The following ADAMTS3 variants were observed in gnomAD, a reference collection of about 807,000 sequenced individuals.
The protein encoded by ADAMTS3 is A disintegrin and metalloproteinase with thrombospondin motifs 3.
A neutral mutation model predicts 129.0 loss-of-function variants in ADAMTS3; 73 were observed. That is an observed-to-expected ratio of 0.57 (90% confidence interval 0.47 to 0.69). The LOEUF (loss-of-function observed/expected upper bound fraction) is 0.69, where lower values mean the gene tolerates loss of function less well. Among genes scored for constraint, ADAMTS3 ranks in the 30% least tolerant of loss-of-function variants. The pLI, the probability that ADAMTS3 is intolerant of heterozygous loss-of-function variation, is 0.00. For synonymous variants in ADAMTS3, 477 were observed against 510.8 expected (o/e 0.93, Z 0.89); for missense variants, 1,457 against 1,514.5 (o/e 0.96, Z 0.63).
chr4:72,312,343 G>A lies in ADAMTS3; in HGVS notation c.1869C>T (p.His623=), dbSNP rs1719263216. 6.2e-7 allele frequency: 1 copy of A among 1,613,868 alleles called. No homozygotes were observed. Reference sequence around the variant, plus strand: ...GGTGTTTGGTATTCTGGTATTCAAAGTGGGAGTTTCGCTGCTGACACTGCT... The same window carrying A: ...GGTGTTTGGTATTCTGGTATTCAAAATGGGAGTTTCGCTGCTGACACTGCT... ...RAQQCQQRNS[H]FEYQNTKHHW... is the part of the protein sequence containing the mutation. The change falls in exon 13 of 22, where the codon CAC becomes CAT. Residue 623 remains histidine, a synonymous_variant. Coordinates refer to ENST00000286657, the MANE Select transcript of ADAMTS3 (RefSeq NM_014243.3).
At chr4:72,547,211 C>T (rs1322694067) in intron 3 of ADAMTS3, among the ~76,000 whole-genome samples, 1 of 152,132 alleles carries the variant, frequency 6.6e-6, no homozygotes, top group East Asian at 1.9e-4. Flanking sequence ...ATAATTAGGG[C>T]AGACTAGAGC....
At position 72,548,499 on chromosome 4, in the gene ADAMTS3, G is replaced by A. The variant is rs371019847; in HGVS notation, c.483C>T (p.Ala161=). The A allele has an allele frequency of 1.3e-4, 206 of 1,613,644 alleles. No individual in the cohort carries two copies. Among genetic ancestry groups the A allele is most frequent in the East Asian group, 1.8e-4 (8 of 44,878 alleles). ...TTACCAGACCATCACAGTTGCTGAT[G>A]GCAACAGAGGTTCCTGGAATGTCCA... ...DIVDIPGTSV[A]ISNCDGLAGM... Residue 161 remains alanine, a synonymous_variant, in exon 3 of 22, where the codon GCC becomes GCT. Coordinates refer to ENST00000286657, the MANE Select transcript of ADAMTS3 (RefSeq NM_014243.3).
At chr4:72,345,327 G>A (rs1034029735) in intron 4 of ADAMTS3, among the ~76,000 whole-genome samples, 5 of 152,086 alleles carry the variant, frequency 3.3e-5, no homozygotes, top group African/African-American at 1.2e-4. Context: ...TCCAACAAAT[G>A]TCATCTATTA....
chr4:72,319,497 G>C (rs1490372698), intron 8 of ADAMTS3, 22 bp from the exon 9 acceptor site: 2 of 1,598,712 alleles, frequency 1.3e-6, no homozygotes, highest in African/African-American at 2.7e-5. Flanking sequence ...AGAGACCTCA[G>C]TGGTAAGAAT....
intron 4 of ADAMTS3, among the ~76,000 whole-genome samples, chr4:72,360,535 G>GTTTTT (rs10650390): frequency 0.023 from 3,428 of 151,358 alleles, 142 homozygotes; most frequent in African/African-American, 0.079. Context: ...GTAATGAATG[G>GTTTTT]TTTTTTTTGA....
At chr4:72,314,601 CA>C (rs1216908656) in intron 11 of ADAMTS3, among the ~76,000 whole-genome samples, 1 of 152,094 alleles carries the variant, frequency 6.6e-6, no homozygotes, top group Non-Finnish European at 1.5e-5. Context: ...TTCAATATAA[CA>C]CCAATATATT....
Position 72,309,458 on chromosome 4 carries a change from T to G in ADAMTS3, c.2118A>C (p.Gly706=). Residue 706 remains glycine (G), a synonymous_variant, in exon 15 of 22, where the codon GGA becomes GGC. Coordinates refer to ENST00000286657, the MANE Select transcript of ADAMTS3 (RefSeq NM_014243.3). The stretch of plus-strand genomic sequence containing the variant: ...CGGTTCGGCAGTGGGAATTATCTCC[T>G]CCACAGACACCACACTTATCCTCAA... ...NKVEDKCGVC[G]GDNSHCRTVK... 1 of 1,612,266 alleles carries G rather than the reference T, an allele frequency of 6.2e-7. No individual in the cohort carries two copies. Among genetic ancestry groups the G allele is most frequent in the Non-Finnish European group, 8.5e-7 (1 of 1,178,704 alleles).
chr4:72,561,821 T>C (rs944834411), intron 2 of ADAMTS3, among the ~76,000 whole-genome samples: 1 of 152,216 alleles, frequency 6.6e-6, no homozygotes, highest in Non-Finnish European at 1.5e-5. Context: ...TGTTCTAAAT[T>C]CCATGCAGAT....
intron 21 of ADAMTS3, among the ~76,000 whole-genome samples, chr4:72,288,545 A>G (rs1718570506): frequency 6.6e-6 from 1 of 152,230 alleles, no homozygotes; most frequent in African/African-American, 2.4e-5. Flanking sequence ...TGGCAGGGCT[A>G]TAGTGATCAT....
chr4:72,356,045 C>CA (rs148769400), intron 4 of ADAMTS3, among the ~76,000 whole-genome samples: 2,614 of 151,772 alleles, frequency 0.017, 58 homozygotes, highest in African/African-American at 0.06. Context: ...TCCATTAAAA[C>CA]AAAAAGGGAA....
chr4:72,309,466 C>T lies in ADAMTS3; in HGVS notation c.2110G>A (p.Val704Ile), dbSNP rs1719173218. Residue 704 changes from valine (V) to isoleucine (I), a missense_variant, in exon 15 of 22, where the codon GTC (valine) becomes ATC (isoleucine). By Grantham distance (29) the Val-to-Ile change is conservative. Transcript: ENST00000286657. ...GSNKVEDKCG[V>I]CGGDNSHCRT... ...CAGTGGGAATTATCTCCTCCACAGA[C>T]ACCACACTTATCCTCAACCTTATTA... 3 of 1,612,068 alleles carry T rather than the reference C, an allele frequency of 1.9e-6. No homozygotes were observed. The highest frequency in any genetic ancestry group is 2.5e-6 in the Non-Finnish European group (3 of 1,178,666).
intron 4 of ADAMTS3, among the ~76,000 whole-genome samples, chr4:72,395,616 C>A (rs1721706912): frequency 6.6e-6 from 1 of 152,154 alleles, no homozygotes. Context: ...CAGTTTACAA[C>A]AATGACTACA....
chr4:72,393,453 T>A (rs773302619), intron 4 of ADAMTS3, among the ~76,000 whole-genome samples: 29 of 152,334 alleles, frequency 1.9e-4, no homozygotes, highest in Middle Eastern at 3.4e-3. Context: ...AATACATAAT[T>A]GAATTTTAAA....
chr4:72,520,747 C>A (rs1038751856), intron 3 of ADAMTS3, among the ~76,000 whole-genome samples: 19 of 152,108 alleles, frequency 1.2e-4, no homozygotes, highest in Non-Finnish European at 2.1e-4. Context: ...TATCTGTCAC[C>A]CCTTTCCTTG....
At chr4:72,389,576 T>C (rs1211890090) in intron 4 of ADAMTS3, among the ~76,000 whole-genome samples, 3 of 151,492 alleles carry the variant, frequency 2.0e-5, no homozygotes, top group Non-Finnish European at 4.4e-5. Flanking sequence ...CATGAAAGTA[T>C]ATCATTAATA....
intron 2 of ADAMTS3, among the ~76,000 whole-genome samples, chr4:72,553,539 G>T (rs1578791328): frequency 6.6e-6 from 1 of 152,272 alleles, no homozygotes; most frequent in East Asian, 1.9e-4. Flanking sequence ...GTGGTAGAGA[G>T]CCTTTAACCT....
At chr4:72,308,420 T>C (rs756225374) in intron 15 of ADAMTS3, among the ~76,000 whole-genome samples, 1 of 151,958 alleles carries the variant, frequency 6.6e-6, no homozygotes, top group Non-Finnish European at 1.5e-5. Flanking sequence ...ACTAACTTTT[T>C]TATAAAAGGA....
chr4:72,477,817 T>A (rs1016748646), intron 3 of ADAMTS3, among the ~76,000 whole-genome samples: 18 of 150,366 alleles, frequency 1.2e-4, no homozygotes, highest in East Asian at 3.9e-4. Context: ...AGAAAAAAAG[T>A]GAGAAGAATC....
intron 4 of ADAMTS3, among the ~76,000 whole-genome samples, chr4:72,368,935 G>A (rs759781473): frequency 1.3e-5 from 2 of 152,118 alleles, no homozygotes; most frequent in Non-Finnish European, 2.9e-5. Flanking sequence ...GATAGCACTT[G>A]TCTGACTGTA....
Sources: gnomAD v4.1 joint callset for allele counts (sites outside exome capture counted in the v4.1 genomes callset) on GRCh38, gnomAD v4.1.1 for gene constraint, MANE v1.5 for transcripts, NCBI Gene and HGNC (gene_info 2026-07-23, HGNC 2026-07-21) for gene names.